MYRIP: variants seen among roughly 807,000 people sequenced by gnomAD.
MYRIP encodes the protein rab effector MyRIP.
In MYRIP, 49 loss-of-function variants were observed where a neutral mutation model predicts 98.0. The ratio of observed to expected loss-of-function variants is 0.50; its 90% CI spans 0.40 to 0.63. MYRIP has a LOEUF of 0.63. MYRIP is among the 30% of genes least tolerant of loss of function. MYRIP has a pLI of 0.00. For synonymous variants in MYRIP, 404 were observed against 409.5 expected, an observed-to-expected ratio of 0.99 and a Z score of 0.16; for missense variants, 1,004 against 1,058.2, an observed-to-expected ratio of 0.95 and a Z score of 0.71.
At chr3:39,874,775 T>G (rs1418101012) in intron 1 of MYRIP, among the ~76,000 whole-genome samples, 6 of 152,234 alleles carry the variant, frequency 3.9e-5, no homozygotes, top group Non-Finnish European at 8.8e-5. Flanking sequence ...GCATCAATGT[T>G]CATTAAGGAT....
At chr3:39,837,512 G>A (rs1941664026) in intron 1 of MYRIP, among the ~76,000 whole-genome samples, 1 of 152,162 alleles carries the variant, frequency 6.6e-6, no homozygotes, top group Non-Finnish European at 1.5e-5. Flanking sequence ...GTTTGTCACA[G>A]ATCAGATGGC....
At chr3:40,076,699 G>A (rs1026923968) in intron 3 of MYRIP, among the ~76,000 whole-genome samples, 1 of 152,134 alleles carries the variant, frequency 6.6e-6, no homozygotes, top group Non-Finnish European at 1.5e-5. Context: ...ACCCTCTCAT[G>A]CTTAGCTCAA....
rs1951164840 is a variant in MYRIP at position 40,190,254 on chromosome 3, G to A, written c.1456G>A (p.Glu486Lys). The A allele has an allele frequency of 6.2e-7, 1 of 1,613,990 alleles. No individual in the cohort carries two copies. Among genetic ancestry groups the A allele is most frequent in the African/African-American group, 1.3e-5 (1 of 74,908 alleles). The change falls in exon 10 of 17, where the codon GAG becomes AAG. Residue 486 changes from glutamate (E) to lysine (K), a missense_variant. Around this residue, in one of 3 missense-constraint regions of MYRIP, gnomAD observed 880 missense variants for 907.7 expected, o/e 0.97. Coordinates refer to ENST00000302541, the MANE Select transcript of MYRIP (RefSeq NM_015460.4). ...GAAGGCCCCCAGGAACCCTGCAGCT[G>A]AGAAGATGCGCTTGCATGGAGAGCT... ...QRKAPRNPAAEKMRLHGELDV... is the reference protein window; with the variant it reads ...QRKAPRNPAAKKMRLHGELDV...
chr3:40,165,190 A>G (rs1323957233), intron 5 of MYRIP, among the ~76,000 whole-genome samples: 2 of 152,238 alleles, frequency 1.3e-5, no homozygotes, highest in Non-Finnish European at 2.9e-5. Context: ...AGACTGTGCA[A>G]CCTGGTGGTG....
chr3:40,049,678 G>A (rs893403260), intron 3 of MYRIP, among the ~76,000 whole-genome samples: 1 of 151,778 alleles, frequency 6.6e-6, no homozygotes, highest in Admixed American at 6.6e-5. Context: ...TTAAATCAAA[G>A]TTAGAAATGA....
At chr3:39,862,085 A>G (rs1942489183) in intron 1 of MYRIP, among the ~76,000 whole-genome samples, 2 of 152,132 alleles carry the variant, frequency 1.3e-5, no homozygotes, top group African/African-American at 2.4e-5. Flanking sequence ...TTAAAGCCAG[A>G]GAGAGAGAAG....
At position 39,956,838 on chromosome 3, in the gene MYRIP, A is replaced by G. The variant is rs886197129; in HGVS notation, c.110+55912A>G. Among the ~76,000 whole-genome samples the G allele has an allele frequency of 1.1e-4, 17 of 151,808 alleles. 1 individual carries two copies. The highest frequency in any genetic ancestry group is 3.9e-4 in the African/African-American group (16 of 41,084). ...TCAAATAGATGGAATAAAAAATGAT[A>G]AAGGGGATATCACCACCGATCCCAC... On this transcript the variant is annotated intron_variant, in intron 2 of 16. Coordinates refer to ENST00000302541, the MANE Select transcript of MYRIP (RefSeq NM_015460.4).
At chr3:39,963,461 C>T (rs1436472824) in intron 2 of MYRIP, among the ~76,000 whole-genome samples, 1 of 152,114 alleles carries the variant, frequency 6.6e-6, no homozygotes, top group African/African-American at 2.4e-5. Context: ...ACTACTTCAT[C>T]CCTGTTATAT....
intron 1 of MYRIP, among the ~76,000 whole-genome samples, chr3:39,875,116 A>G (rs1421372296): frequency 6.6e-6 from 1 of 152,124 alleles, no homozygotes; most frequent in Non-Finnish European, 1.5e-5. Flanking sequence ...TAGATTTTCT[A>G]ATTTATTTGT....
intron 2 of MYRIP, among the ~76,000 whole-genome samples, chr3:40,033,759 G>A (rs1021641408): frequency 6.6e-6 from 1 of 152,140 alleles, no homozygotes; most frequent in Non-Finnish European, 1.5e-5. Context: ...AGGCGGCATT[G>A]CCAAGTCAAT....
At chr3:40,033,851 A>G (rs924091171) in intron 2 of MYRIP, among the ~76,000 whole-genome samples, 2 of 152,136 alleles carry the variant, frequency 1.3e-5, no homozygotes, top group African/African-American at 4.8e-5. Flanking sequence ...CCAAAACAGC[A>G]TGGTACTGGT....
In MYRIP at chr3:39,884,564, G is replaced by C. The variant is rs1575342157; in HGVS notation, c.-30-16223G>C. Among the ~76,000 whole-genome samples, 3 of 152,198 alleles carry C rather than the reference G, an allele frequency of 2.0e-5. No individual in the cohort carries two copies. In the Middle Eastern group the frequency reaches 0.01, roughly 518 times the overall value. The stretch of plus-strand genomic sequence containing the variant: ...CTCACACAAGCAAGAAGTTCTGCCA[G>C]ATGACTGCTTTTGAACTCAAACTGC... On this transcript the variant is annotated intron_variant, in intron 1 of 16. Coordinates refer to ENST00000302541, the MANE Select transcript of MYRIP (RefSeq NM_015460.4).
At chr3:40,222,505 C>A (rs1401123412) in intron 11 of MYRIP, among the ~76,000 whole-genome samples, 4 of 152,100 alleles carry the variant, frequency 2.6e-5, no homozygotes, top group Non-Finnish European at 5.9e-5. Flanking sequence ...AATTTCATGT[C>A]AGGAAGGTGA....
At chr3:40,155,604 A>C (rs1475318413) in intron 4 of MYRIP, among the ~76,000 whole-genome samples, 2 of 150,808 alleles carry the variant, frequency 1.3e-5, no homozygotes, top group South Asian at 4.2e-4. Context: ...TTACAGTCCC[A>C]CCAACAGTGT....
intron 1 of MYRIP, among the ~76,000 whole-genome samples, chr3:39,843,235 T>G (rs1941857352): frequency 6.6e-6 from 1 of 152,214 alleles, no homozygotes; most frequent in South Asian, 2.1e-4. Context: ...TTGAATATAG[T>G]CACAGTTTGA....
rs543507885 is a variant in MYRIP, at chr3:39,881,538, C to T, written c.-30-19249C>T. ...ATGCCACTATCTTGGGAAACAAGTA[C>T]GGACAGTGAGTCAGAGGCCTCAATG... On this transcript the variant is annotated intron_variant, in intron 1 of 16. Coordinates refer to ENST00000302541, the MANE Select transcript of MYRIP (RefSeq NM_015460.4). Among the ~76,000 whole-genome samples, 23 of 152,232 alleles carry T rather than the reference C, an allele frequency of 1.5e-4. 1 individual carries two copies. The Middle Eastern group carries it at 0.017, about 113-fold the overall frequency.
At chr3:39,951,573 T>C (rs1945016671) in intron 2 of MYRIP, among the ~76,000 whole-genome samples, 1 of 152,226 alleles carries the variant, frequency 6.6e-6, no homozygotes, top group African/African-American at 2.4e-5. Flanking sequence ...CTAATGAGCA[T>C]GGCTATCTTT....
chr3:39,864,792 A>G (rs1942575023), intron 1 of MYRIP, among the ~76,000 whole-genome samples: 1 of 152,222 alleles, frequency 6.6e-6, no homozygotes, highest in Non-Finnish European at 1.5e-5. Context: ...AGAATTAGAA[A>G]AAGCTATTTT....
rs528326816 is a variant in MYRIP at position 40,008,418 on chromosome 3, AT to A, written c.111-35625del. 5.1e-4 allele frequency among the ~76,000 whole-genome samples: 78 copies of A among 152,216 alleles called. 2 individuals carry two copies. The South Asian group carries it at 0.015, about 29-fold the overall frequency. On this transcript the variant is annotated intron_variant, in intron 2 of 16. Transcript: ENST00000302541. ...GAAGCCTGTTAAACTAATGCTATCC[AT>A]TTTTTTCCAAAATGGTATTTTCTGT... is the stretch of plus-strand genomic sequence containing the variant.
Sources: allele counts gnomAD v4.1 joint callset (sites outside exome capture counted in the v4.1 genomes callset), GRCh38; gene constraint gnomAD v4.1.1; regional missense constraint gnomAD v4.1.1; transcripts MANE v1.5; gene names NCBI Gene and HGNC (gene_info 2026-07-23, HGNC 2026-07-21).